Variants in EYS observed in about 807,000 individuals in gnomAD.
The protein encoded by EYS is protein eyes shut homolog.
A neutral mutation model predicts 282.1 loss-of-function variants in EYS; 250 were observed. The ratio of observed to expected loss-of-function variants is 0.89; its 90% CI spans 0.80 to 0.98. The LOEUF (loss-of-function observed/expected upper bound fraction) is 0.98, where lower values mean the gene tolerates loss of function less well. Among genes scored for constraint, EYS ranks in the 50% least tolerant of loss-of-function variants. EYS has a pLI of 0.00. For synonymous variants in EYS, 1,355 were observed against 1,282.9 expected, an observed-to-expected ratio of 1.06 and a Z score of -1.20; for missense variants, 4,016 against 3,709.0, an observed-to-expected ratio of 1.08 and a Z score of -2.15.
intron 12 of EYS, among the ~76,000 whole-genome samples, chr6:65,251,726 C>T (rs1767329397): frequency 6.6e-6 from 1 of 151,890 alleles, no homozygotes; most frequent in African/African-American, 2.4e-5. Flanking sequence ...TATCCATAGT[C>T]TGAACGCAAC....
rs1775174105 is a variant in EYS, at chr6:64,447,989, A to G, written c.5645-8637T>C. Among the ~76,000 whole-genome samples, 3 of 152,328 alleles carry G rather than the reference A, an allele frequency of 2.0e-5. 1 individual carries two copies. The highest frequency in any genetic ancestry group is 4.1e-4 in the South Asian group (2 of 4,830). On this transcript the variant is annotated intron_variant, in intron 26 of 42. Transcript: ENST00000503581. ...TCATGCCACTTCCCTGATTAAAAAC[A>G]TAAGTGCCGGACAGTGGGTGCAGGA... is the stretch of plus-strand genomic sequence containing the variant.
At chr6:64,749,685 G>A (rs1030857941) in intron 22 of EYS, among the ~76,000 whole-genome samples, 1 of 152,154 alleles carries the variant, frequency 6.6e-6, no homozygotes, top group East Asian at 1.9e-4. Context: ...TGATTCTGTT[G>A]AACAGATACC....
At chr6:64,205,240 T>C (rs555453095) in intron 31 of EYS, among the ~76,000 whole-genome samples, 8 of 152,348 alleles carry the variant, frequency 5.3e-5, no homozygotes, top group African/African-American at 1.9e-4. Flanking sequence ...CAAACTTTTA[T>C]TCAATTTAGT....
intron 37 of EYS, among the ~76,000 whole-genome samples, chr6:63,795,635 T>A (rs1322041574): frequency 6.6e-6 from 1 of 152,200 alleles, no homozygotes; most frequent in African/African-American, 2.4e-5. Flanking sequence ...GCTTGCAGGA[T>A]TTTTCCGTAG....
At chr6:64,665,743 T>C (rs1769208360) in intron 22 of EYS, among the ~76,000 whole-genome samples, 1 of 152,174 alleles carries the variant, frequency 6.6e-6, no homozygotes, top group Admixed American at 6.5e-5. Flanking sequence ...CCATACTGAG[T>C]TCTGTTCCTA....
chr6:64,314,053 A>G (rs1384685530), intron 29 of EYS, among the ~76,000 whole-genome samples: 2 of 152,116 alleles, frequency 1.3e-5, no homozygotes, highest in South Asian at 2.1e-4. Flanking sequence ...AAATGCCCCA[A>G]TTAAAAGACA....
intron 28 of EYS, among the ~76,000 whole-genome samples, chr6:64,422,449 T>C (rs910390748): frequency 2.0e-5 from 3 of 152,212 alleles, no homozygotes; most frequent in African/African-American, 7.2e-5. Flanking sequence ...TAGGTCATAT[T>C]GCTATTCTAA....
chr6:65,545,840 A>G (rs371206571), intron 2 of EYS, among the ~76,000 whole-genome samples: 1 of 152,132 alleles, frequency 6.6e-6, no homozygotes, highest in Admixed American at 6.5e-5. Flanking sequence ...TGAATACAAG[A>G]TTAGATAATT....
intron 30 of EYS, among the ~76,000 whole-genome samples, chr6:64,241,649 G>T (rs894679320): frequency 6.7e-6 from 1 of 148,976 alleles, no homozygotes; most frequent in Non-Finnish European, 1.5e-5. Flanking sequence ...TTGATTTTTT[G>T]AAGGTTTTTG....
chr6:64,229,134 G>C (rs1055828798), intron 31 of EYS, among the ~76,000 whole-genome samples: 1 of 152,114 alleles, frequency 6.6e-6, no homozygotes, highest in Admixed American at 6.6e-5. Context: ...AGTTAGCTGG[G>C]TGTGGTGGCT....
chr6:65,461,635 T>C (rs1481094925), intron 5 of EYS, among the ~76,000 whole-genome samples: 1 of 150,840 alleles, frequency 6.6e-6, no homozygotes, highest in Non-Finnish European at 1.5e-5. Context: ...GTCTTTTTCC[T>C]TGATCAGCCC....
At chr6:64,097,928 A>G (rs550942625) in intron 31 of EYS, among the ~76,000 whole-genome samples, 4 of 152,368 alleles carry the variant, frequency 2.6e-5, no homozygotes, top group African/African-American at 9.6e-5. Context: ...TGTGTTAAAG[A>G]ATACCTCATG....
intron 35 of EYS, among the ~76,000 whole-genome samples, chr6:63,911,721 T>A (rs1446713025): frequency 1.3e-5 from 2 of 152,158 alleles, no homozygotes; most frequent in East Asian, 3.8e-4. Flanking sequence ...AATACAAATA[T>A]TTTTCCTTTG....
intron 29 of EYS, among the ~76,000 whole-genome samples, chr6:64,309,786 G>T (rs1769603745): frequency 6.6e-6 from 1 of 151,944 alleles, no homozygotes; most frequent in Admixed American, 6.6e-5. Context: ...CCAACATGGT[G>T]AAACCCTGTC....
chr6:63,954,529 ACT>A (rs1432530690), intron 35 of EYS, among the ~76,000 whole-genome samples: 1 of 151,682 alleles, frequency 6.6e-6, no homozygotes, highest in Non-Finnish European at 1.5e-5. Context: ...TTTAATAAAA[ACT>A]CTTCTCAAGG....
At chr6:65,069,864 T>TGGAAAA (rs1561950640) in intron 12 of EYS, among the ~76,000 whole-genome samples, 8 of 152,040 alleles carry the variant, frequency 5.3e-5, no homozygotes, top group Non-Finnish European at 8.8e-5. Context: ...ATAGTCAGAT[T>TGGAAAA]TATATTTTCC....
intron 28 of EYS, among the ~76,000 whole-genome samples, chr6:64,391,586 G>C (rs370928723): frequency 5.3e-5 from 8 of 152,036 alleles, no homozygotes; most frequent in African/African-American, 1.9e-4. Flanking sequence ...GAGAGATTTT[G>C]TCACCACCAG....
At chr6:63,999,317 C>G in intron 33 of EYS, 134 bp from the exon 34 acceptor site, 1 of 686,326 alleles carries the variant, frequency 1.5e-6, no homozygotes, top group Non-Finnish European at 2.7e-6. Context: ...AATATGGACC[C>G]AGCCAAGTGT....
chr6:64,962,467 A>C (rs933390891), intron 14 of EYS, among the ~76,000 whole-genome samples: 10 of 152,070 alleles, frequency 6.6e-5, no homozygotes, highest in Non-Finnish European at 1.5e-4. Context: ...ATGGTGGCTC[A>C]TGCCTGAAAT....
Sources: gnomAD v4.1 joint callset for allele counts (sites outside exome capture counted in the v4.1 genomes callset) on GRCh38, gnomAD v4.1.1 for gene constraint, MANE v1.5 for transcripts, NCBI Gene and HGNC (gene_info 2026-07-23, HGNC 2026-07-21) for gene names.